The following EXD3 variants were observed in gnomAD, a reference collection of about 807,000 sequenced individuals.
EXD3 encodes the protein exonuclease 3'-5' domain containing 3, also known as exonuclease mut-7 homolog.
A neutral mutation model predicts 98.0 loss-of-function variants in EXD3; 92 were observed. That is an observed-to-expected ratio of 0.94 (90% confidence interval 0.79 to 1.12). The LOEUF is 1.12. EXD3 is among the 50% of genes most tolerant of loss of function. The probability of loss-of-function intolerance (pLI) is 0.00; values close to 1 mark genes in which losing one functional copy is unlikely to be tolerated. For missense variants in EXD3, 1,222 were observed against 1,191.6 expected, an observed-to-expected ratio of 1.03 and a Z score of -0.38; for synonymous variants, 569 against 526.0, an observed-to-expected ratio of 1.08 and a Z score of -1.12.
At chr9:137,356,655 C>T (rs571590288) in intron 7 of EXD3, among the ~76,000 whole-genome samples, 1 of 152,186 alleles carries the variant, frequency 6.6e-6, no homozygotes, top group Non-Finnish European at 1.5e-5. Context: ...GGAAGGTGGA[C>T]TCCCGAAATA....
intron 2 of EXD3, among the ~76,000 whole-genome samples, chr9:137,387,293 G>A (rs960336306): frequency 4.6e-5 from 7 of 152,198 alleles, no homozygotes; most frequent in African/African-American, 1.4e-4. Flanking sequence ...GACACTCCAC[G>A]GTGCCCGCCC....
rs1834502703 is a variant in EXD3, at chr9:137,354,464, A to G, written c.832-87T>C. 16 of 1,589,586 alleles carry G rather than the reference A, an allele frequency of 1.0e-5. No individual in the cohort carries two copies. In the South Asian group the frequency reaches 1.6e-4, roughly 16 times the overall value. ...GTGGGAGTTTTCCTCGACCCCTGGC[A>G]GGGTACATCCTTGGCAGAGCCCAGG... is the stretch of plus-strand genomic sequence containing the variant. On this transcript the variant is annotated intron_variant, in intron 9 of 21. Transcript: ENST00000340951.
chr9:137,353,119 TCCCGGCC>T (rs1834398471), intron 10 of EXD3: 23 of 1,176,290 alleles, frequency 2.0e-5, no homozygotes, highest in Non-Finnish European at 2.4e-5. Flanking sequence ...CCGCTGACCT[TCCCGGCC>T]TCCAAGCCTC....
intron 1 of EXD3, among the ~76,000 whole-genome samples, chr9:137,406,430 C>T (rs1394388387): frequency 6.6e-6 from 1 of 152,118 alleles, no homozygotes; most frequent in Non-Finnish European, 1.5e-5. Flanking sequence ...GGGTGAGCCT[C>T]GTGACACCCC....
At chr9:137,316,424 C>T (rs1025319905) in intron 19 of EXD3, among the ~76,000 whole-genome samples, 3 of 151,998 alleles carry the variant, frequency 2.0e-5, no homozygotes, top group Non-Finnish European at 2.9e-5. Context: ...GGGACTCGGC[C>T]CCCCGCCCGC....
intron 2 of EXD3, among the ~76,000 whole-genome samples, chr9:137,391,123 G>A (rs76928244): frequency 0.077 from 11,743 of 152,254 alleles, 462 homozygotes; most frequent in Non-Finnish European, 0.082. Context: ...CTCGGCCGCC[G>A]CCCTTCCTCA....
chr9:137,417,148 G>C (rs1838272624), intron 1 of EXD3, among the ~76,000 whole-genome samples: 1 of 152,210 alleles, frequency 6.6e-6, no homozygotes, highest in South Asian at 2.1e-4. Context: ...CCGAGGGAGG[G>C]GCGCCCACCA....
Position 137,395,785 on chromosome 9 carries a change from C to T in EXD3, c.-47-381G>A, listed in dbSNP as rs1837189698. Among the ~76,000 whole-genome samples, 1 of 152,056 alleles carries T rather than the reference C, an allele frequency of 6.6e-6. No homozygotes were observed. Among genetic ancestry groups the T allele is most frequent in the African/African-American group, 2.4e-5 (1 of 41,416 alleles). ...TGTGTGTCCTGCCCTGAGGGAGCCA[C>T]ATGGGAGAGAGGTGCTCTCCTCCAG... is the stretch of plus-strand genomic sequence containing the variant. On this transcript the variant is annotated intron_variant, in intron 1 of 21. Coordinates refer to ENST00000340951, the MANE Select transcript of EXD3 (RefSeq NM_017820.5). This position sits in a 1 kb window ranked among gnomAD's most constrained non-coding sequence, Gnocchi z 6.5.
intron 19 of EXD3, among the ~76,000 whole-genome samples, chr9:137,323,319 A>C (rs866577207): frequency 1.0e-4 from 1 of 10,032 alleles, no homozygotes. Flanking sequence ...ACGAGGGGTG[A>C]TCTGCCGACA....
rs1225720384 is a variant in EXD3, at chr9:137,315,260, G to C, written c.2185-5560C>G. Among the ~76,000 whole-genome samples the C allele has an allele frequency of 2.6e-5, 4 of 152,332 alleles. No individual in the cohort carries two copies. The South Asian group carries it at 8.3e-4, about 32-fold the overall frequency. On this transcript the variant is annotated intron_variant, in intron 19 of 21. Coordinates refer to ENST00000340951, the MANE Select transcript of EXD3 (RefSeq NM_017820.5). ...CTCAGCCTTTCCCTGGGCACCCCCC[G>C]ACCGGGCTTTCGGGCCTGGGCCCTG... is the stretch of plus-strand genomic sequence containing the variant.
At chr9:137,399,937 A>C (rs1172681140) in intron 1 of EXD3, among the ~76,000 whole-genome samples, 1 of 151,756 alleles carries the variant, frequency 6.6e-6, no homozygotes, top group African/African-American at 2.4e-5. Flanking sequence ...AGGCGGAGAA[A>C]GGCGAATCAC....
At chr9:137,373,663 C>G in intron 3 of EXD3, 64 bp from the exon 4 acceptor site, 1 of 1,476,970 alleles carries the variant, frequency 6.8e-7, no homozygotes, top group Non-Finnish European at 9.1e-7. Flanking sequence ...GCAAGGCCTC[C>G]CCACCGCAGA....
rs145541302 is a variant in EXD3, at chr9:137,390,709, C to T, written c.55+4594G>A. Among the ~76,000 whole-genome samples the T allele has an allele frequency of 7.9e-5, 12 of 152,300 alleles. No individual in the cohort carries two copies. In the East Asian group the frequency reaches 2.1e-3, roughly 27 times the overall value. ...CAGCTGTGACTTCCCTCCGGTCTCC[C>T]TCATGTCACCCTCATGTCACAGCCC... On this transcript the variant is annotated intron_variant, in intron 2 of 21. Transcript: ENST00000340951.
Position 137,357,699 on chromosome 9 carries a change from G to A in EXD3, c.657-1331C>T, listed in dbSNP as rs938255204. 6.8e-5 allele frequency among the ~76,000 whole-genome samples: 10 copies of A among 146,410 alleles called. No homozygotes were observed. In the South Asian group the frequency reaches 1.1e-3, roughly 16 times the overall value. ...TTCTCTAGAGGGACAGAACTCATAG[G>A]ATATATATACATATATATATTATAT... is the stretch of plus-strand genomic sequence containing the variant. On this transcript the variant is annotated intron_variant, in intron 7 of 21. Transcript: ENST00000340951.
intron 19 of EXD3, among the ~76,000 whole-genome samples, chr9:137,321,659 G>A (rs1417022177): frequency 6.6e-6 from 1 of 152,152 alleles, no homozygotes; most frequent in Non-Finnish European, 1.5e-5. Context: ...CTCCAGCCTG[G>A]GCGATGGAGT....
chr9:137,390,688 T>G lies in EXD3; in HGVS notation c.55+4615A>C, dbSNP rs149724717. On this transcript the variant is annotated intron_variant, in intron 2 of 21. Coordinates refer to ENST00000340951, the MANE Select transcript of EXD3 (RefSeq NM_017820.5). ...GTTTTCACGGTTTTATGAGGCCAGCTGTGACTTCCCTCCGGTCTCCCTCAT... is the reference window on the plus strand; with the variant it reads ...GTTTTCACGGTTTTATGAGGCCAGCGGTGACTTCCCTCCGGTCTCCCTCAT... Among the ~76,000 whole-genome samples the G allele has an allele frequency of 1.5e-3, 233 of 152,296 alleles. 1 individual carries two copies. The highest frequency in any genetic ancestry group is 3.4e-3 in the Middle Eastern group (1 of 294).
intron 17 of EXD3, among the ~76,000 whole-genome samples, chr9:137,331,833 T>C (rs1833077431): frequency 6.6e-6 from 1 of 152,088 alleles, no homozygotes; most frequent in African/African-American, 2.4e-5. Flanking sequence ...GGAGAATTGC[T>C]TGAACCCGGG....
intron 19 of EXD3, among the ~76,000 whole-genome samples, chr9:137,317,403 C>T (rs1466155926): frequency 6.6e-6 from 1 of 152,136 alleles, no homozygotes; most frequent in Non-Finnish European, 1.5e-5. Context: ...AGCCAGGCCC[C>T]GGGGCCACCT....
intron 2 of EXD3, among the ~76,000 whole-genome samples, chr9:137,389,269 G>T (rs895631000): frequency 1.3e-5 from 2 of 152,076 alleles, no homozygotes; most frequent in Non-Finnish European, 2.9e-5. Context: ...TCGGCTCGCC[G>T]CAGAGGACCG....
Sources: gnomAD v4.1 joint callset for allele counts (sites outside exome capture counted in the v4.1 genomes callset) on GRCh38, gnomAD v4.1.1 for gene constraint, Gnocchi (gnomAD v3.1) non-coding constraint, MANE v1.5 for transcripts, NCBI Gene and HGNC (gene_info 2026-07-23, HGNC 2026-07-21) for gene names.